Variants in UGGT2 observed in about 807,000 individuals in gnomAD.
The protein encoded by UGGT2 is UDP-glucose glycoprotein glucosyltransferase 2.
In UGGT2, 180 loss-of-function variants were observed where a neutral mutation model predicts 192.1. The ratio of observed to expected loss-of-function variants is 0.94; its 90% CI spans 0.83 to 1.06. The LOEUF (loss-of-function observed/expected upper bound fraction) is 1.06. Among genes scored for constraint, UGGT2 ranks in the 50% least tolerant of loss-of-function variants. UGGT2 has a pLI of 0.00. For synonymous variants in UGGT2, 580 were observed against 591.0 expected, an observed-to-expected ratio of 0.98 and a Z score of 0.27; for missense variants, 1,849 against 1,795.7, an observed-to-expected ratio of 1.03 and a Z score of -0.54.
Position 95,854,362 on chromosome 13 carries a change from T to C in UGGT2, c.4122A>G (p.Lys1374=), listed in dbSNP as rs1203839946. The change falls in exon 35 of 39, where the codon AAA becomes AAG. Residue 1374 remains lysine, a synonymous_variant. Transcript: ENST00000376747. ...AAAGATGTGATGCCCAGTATCCTGT[T>C]TTCCAGAAACGATATCCATCCATTT... The part of the protein sequence containing the change: ...RREMDGYRFW[K]TGYWASHLLR... 1 of 1,613,724 alleles carries C rather than the reference T, an allele frequency of 6.2e-7. No individual in the cohort carries two copies. The highest frequency in any genetic ancestry group is 1.3e-5 in the African/African-American group (1 of 74,908).
At chr13:96,028,615 T>C (rs957436359) in intron 2 of UGGT2, among the ~76,000 whole-genome samples, 6 of 152,224 alleles carry the variant, frequency 3.9e-5, no homozygotes, top group African/African-American at 1.4e-4. Flanking sequence ...TAAAAAGTCT[T>C]AATTTGCTGG....
At position 96,053,390 on chromosome 13, in the gene UGGT2, C is replaced by T. The variant is rs377548086; in HGVS notation, c.-78G>A. The T allele has an allele frequency of 2.6e-6, 4 of 1,512,140 alleles. No individual in the cohort carries two copies. The highest frequency in any genetic ancestry group is 2.9e-5 in the African/African-American group (2 of 69,866). 93.7% of individuals were successfully genotyped at this position (1,512,140 alleles called of 1,614,324 possible). On this transcript the variant is annotated 5_prime_UTR_variant, in exon 1 of 39. Transcript: ENST00000376747. ...CCGCCACGCTTCGGCCGGCTCTTCC[C>T]GCTGCGCGGCTGCCCACTTCCGGTG...
chr13:95,923,707 A>T (rs1594338902), intron 20 of UGGT2, among the ~76,000 whole-genome samples: 1 of 152,252 alleles, frequency 6.6e-6, no homozygotes, highest in East Asian at 1.9e-4. Context: ...CCATGTAGAC[A>T]GTTTATTATG....
chr13:95,884,686 AAT>A lies in UGGT2; in HGVS notation c.3039-8_3039-7del. 1.3e-6 allele frequency: 2 copies of A among 1,593,654 alleles called. No homozygotes were observed. The highest frequency in any genetic ancestry group is 1.7e-6 in the Non-Finnish European group (2 of 1,173,128). On this transcript the variant is annotated splice_region_variant and splice_polypyrimidine_tract_variant and intron_variant, in intron 26 of 38. Coordinates refer to ENST00000376747, the MANE Select transcript of UGGT2 (RefSeq NM_020121.4). ...CCAGAACAAAACGGTAAAAGCTGTT[AAT>A]AAAACATAAAAATACATAATGTGAC...
At chr13:95,803,622 G>A (rs542531289) in intron 38 of UGGT2, among the ~76,000 whole-genome samples, 1 of 152,212 alleles carries the variant, frequency 6.6e-6, no homozygotes, top group South Asian at 2.1e-4. Context: ...TGGGCTTTTG[G>A]GGTGGTGTAC....
intron 36 of UGGT2, among the ~76,000 whole-genome samples, chr13:95,845,800 G>A (rs527870841): frequency 2.0e-5 from 3 of 149,788 alleles, no homozygotes; most frequent in Non-Finnish European, 3.0e-5. Context: ...GGGCAGAGGC[G>A]CTCTTCACAT....
chr13:95,805,970 G>T (rs1884281956), intron 38 of UGGT2, among the ~76,000 whole-genome samples: 1 of 147,704 alleles, frequency 6.8e-6, no homozygotes, highest in Non-Finnish European at 1.5e-5. Context: ...TGAACCAAGA[G>T]GTATAAAAAT....
In UGGT2 at chr13:95,934,571, A is replaced by G. The variant is rs115300699; in HGVS notation, c.1977+2353T>C. Among the ~76,000 whole-genome samples, 985 of 152,318 alleles carry G rather than the reference A, an allele frequency of 6.5e-3. 13 individuals are homozygous for G. The highest frequency in any genetic ancestry group is 0.022 in the African/African-American group (933 of 41,568). On this transcript the variant is annotated intron_variant, in intron 17 of 38. Coordinates refer to ENST00000376747, the MANE Select transcript of UGGT2 (RefSeq NM_020121.4). ...CCTACACGCCTCACTTAAAAAGCAC[A>G]GAGTGGCAAGTTGGATAAAAAACAA... is the stretch of plus-strand genomic sequence containing the variant.
At chr13:95,980,453 G>A (rs1044096835) in intron 10 of UGGT2, among the ~76,000 whole-genome samples, 4 of 152,010 alleles carry the variant, frequency 2.6e-5, no homozygotes, top group Non-Finnish European at 4.4e-5. Flanking sequence ...GGACTCGGGG[G>A]AAAGGGCGGG....
At chr13:95,953,729 CA>C (rs145353005) in intron 12 of UGGT2, among the ~76,000 whole-genome samples, 3 of 146,468 alleles carry the variant, frequency 2.0e-5, no homozygotes, top group Admixed American at 6.8e-5. Context: ...CTATTTTCTA[CA>C]AAAAAAAAAC....
At chr13:95,874,701 T>C (rs1027213400) in intron 29 of UGGT2, among the ~76,000 whole-genome samples, 5 of 151,822 alleles carry the variant, frequency 3.3e-5, no homozygotes, top group East Asian at 1.9e-4. Context: ...TCCTCCTCCT[T>C]CTTATTTTGA....
At chr13:95,941,374 C>T (rs937615679) in intron 15 of UGGT2, among the ~76,000 whole-genome samples, 1 of 152,134 alleles carries the variant, frequency 6.6e-6, no homozygotes. Context: ...GTACCCTATT[C>T]CTTTAAGCAG....
chr13:95,943,113 T>C (rs2049746604), intron 15 of UGGT2, among the ~76,000 whole-genome samples: 1 of 152,098 alleles, frequency 6.6e-6, no homozygotes, highest in Non-Finnish European at 1.5e-5. Context: ...CCACAAACTT[T>C]ATACATCTTA....
intron 1 of UGGT2, among the ~76,000 whole-genome samples, chr13:96,032,330 A>T (rs2052863115): frequency 6.6e-6 from 1 of 152,108 alleles, no homozygotes; most frequent in Non-Finnish European, 1.5e-5. Context: ...AACATTATAT[A>T]AAGGTAAAAA....
At chr13:95,861,434 A>T (rs1216797858) in intron 31 of UGGT2, among the ~76,000 whole-genome samples, 1 of 152,088 alleles carries the variant, frequency 6.6e-6, no homozygotes, top group Non-Finnish European at 1.5e-5. Flanking sequence ...GATGACTTCC[A>T]TGACAAAGAA....
intron 2 of UGGT2, among the ~76,000 whole-genome samples, chr13:96,027,142 A>G (rs984963925): frequency 6.6e-6 from 1 of 152,226 alleles, no homozygotes; most frequent in African/African-American, 2.4e-5. Flanking sequence ...TATAGTTACA[A>G]GGTCAGCAAG....
intron 9 of UGGT2, chr13:95,985,304 C>G (rs762012527): frequency 7.7e-7 from 1 of 1,291,160 alleles, no homozygotes; most frequent in Non-Finnish European, 1.0e-6. Flanking sequence ...TTAAAGTTGA[C>G]TGAAAGAGGC....
Position 95,867,335 on chromosome 13 carries a change from ATACTTT to A in UGGT2, c.3556_3558+3del, listed in dbSNP as rs765871057. On this transcript the variant is annotated splice_donor_variant and splice_donor_region_variant and coding_sequence_variant and intron_variant, in exon 30 of 39. Coordinates refer to ENST00000376747, the MANE Select transcript of UGGT2 (RefSeq NM_020121.4). LOFTEE classifies it high-confidence loss of function. ...AGCCTATAAAAAGTTCTGCCCCCAC[ATACTTT>A]TACTTTGAGTATCTTGCTTTTGAAG... 6.2e-6 allele frequency: 10 copies of A among 1,601,408 alleles called. No homozygotes were observed. In the East Asian group the frequency reaches 9.0e-5, roughly 14 times the overall value.
chr13:96,036,159 C>T (rs768902705), intron 1 of UGGT2, among the ~76,000 whole-genome samples: 1 of 152,114 alleles, frequency 6.6e-6, no homozygotes, highest in Admixed American at 6.5e-5. Context: ...AACTTATATC[C>T]CCATCAATGA....
Sources: allele counts gnomAD v4.1 joint callset (sites outside exome capture counted in the v4.1 genomes callset), GRCh38; gene constraint gnomAD v4.1.1; transcripts MANE v1.5; gene names NCBI Gene and HGNC (gene_info 2026-07-23, HGNC 2026-07-21).